ROR2: variants seen among roughly 807,000 people sequenced by gnomAD.
ROR2 encodes ROR family WNT receptor 2, also known as tyrosine-protein kinase transmembrane receptor ROR2.
A neutral mutation model predicts 74.9 loss-of-function variants in ROR2; 33 were observed. That is an observed-to-expected ratio of 0.44 (90% CI 0.33 to 0.59). ROR2 has a LOEUF of 0.59. Ranked by LOEUF, ROR2 falls within the 20% of genes least tolerant of loss-of-function variation. ROR2 has a pLI of 0.02. For missense variants in ROR2, 1,216 were observed against 1,313.8 expected (o/e 0.93, Z 1.15); for synonymous variants, 586 against 558.7 (o/e 1.05, Z -0.69).
chr9:91,898,495 A>G (rs1389794763), intron 1 of ROR2, among the ~76,000 whole-genome samples: 3 of 152,172 alleles, frequency 2.0e-5, no homozygotes, highest in Non-Finnish European at 2.9e-5. Flanking sequence ...CGTCCTACAG[A>G]ACCCCACCCC....
chr9:91,759,324 T>C (rs549379573), intron 2 of ROR2, among the ~76,000 whole-genome samples: 2 of 152,324 alleles, frequency 1.3e-5, no homozygotes, highest in South Asian at 2.1e-4. Context: ...CCACTACTTA[T>C]AATTATTATT....
intron 1 of ROR2, among the ~76,000 whole-genome samples, chr9:91,933,862 G>T (rs1372380189): frequency 6.6e-6 from 1 of 152,226 alleles, no homozygotes; most frequent in Non-Finnish European, 1.5e-5. Flanking sequence ...GAAATGGGGA[G>T]TGATGGTTAA....
In ROR2 at chr9:91,803,644, G is replaced by C. The variant is rs578099562; in HGVS notation, c.98-27826C>G. 5.3e-4 allele frequency among the ~76,000 whole-genome samples: 80 copies of C among 152,336 alleles called. No homozygotes were observed. The Middle Eastern group carries it at 0.02, about 39-fold the overall frequency. The stretch of plus-strand genomic sequence containing the variant: ...TTCCAAGAAGAGAAGCATGCCCTGG[G>C]TGGAACCACAGCCAGGCATGGACAT... On this transcript the variant is annotated intron_variant, in intron 1 of 8. Transcript: ENST00000375708.
intron 1 of ROR2, among the ~76,000 whole-genome samples, chr9:91,914,516 T>C (rs1436730325): frequency 6.6e-6 from 1 of 152,110 alleles, no homozygotes; most frequent in East Asian, 1.9e-4. Flanking sequence ...TTCCCTCCCA[T>C]TGGGGTTGTG....
At chr9:91,768,535 G>A (rs558483936) in intron 2 of ROR2, among the ~76,000 whole-genome samples, 32 of 152,310 alleles carry the variant, frequency 2.1e-4, no homozygotes, top group African/African-American at 5.3e-4. Context: ...TGTGTCACCC[G>A]CAGGAGGAAG....
At chr9:91,890,199 G>T (rs1830390767) in intron 1 of ROR2, among the ~76,000 whole-genome samples, 1 of 152,150 alleles carries the variant, frequency 6.6e-6, no homozygotes. Flanking sequence ...AGCCCAAAGG[G>T]CCACCGATGG....
At chr9:91,744,865 T>A (rs545613598) in intron 4 of ROR2, among the ~76,000 whole-genome samples, 1 of 152,264 alleles carries the variant, frequency 6.6e-6, no homozygotes, top group East Asian at 1.9e-4. Flanking sequence ...GGCTAGTCCC[T>A]CCCAGGTAAG....
At chr9:91,771,992 C>A (rs1387392701) in intron 2 of ROR2, among the ~76,000 whole-genome samples, 3 of 152,168 alleles carry the variant, frequency 2.0e-5, no homozygotes, top group Non-Finnish European at 4.4e-5. Context: ...TGTGATTAGG[C>A]CAAATGTGGC....
intron 1 of ROR2, among the ~76,000 whole-genome samples, chr9:91,778,389 G>A (rs1826493276): frequency 6.6e-6 from 1 of 152,192 alleles, no homozygotes; most frequent in Admixed American, 6.5e-5. Context: ...CGTGCGCCCT[G>A]CAACATCTCC....
chr9:91,847,701 C>T (rs1828972064), intron 1 of ROR2, among the ~76,000 whole-genome samples: 1 of 152,166 alleles, frequency 6.6e-6, no homozygotes, highest in Non-Finnish European at 1.5e-5. Context: ...GAGAATGAAC[C>T]CCACTCCCAG....
At chr9:91,929,880 G>A (rs1831506456) in intron 1 of ROR2, among the ~76,000 whole-genome samples, 1 of 152,092 alleles carries the variant, frequency 6.6e-6, no homozygotes, top group Non-Finnish European at 1.5e-5. Context: ...GTTTTCCCCG[G>A]GACCTGACTC....
chr9:91,804,119 A>C (rs904332302), intron 1 of ROR2, among the ~76,000 whole-genome samples: 10 of 152,182 alleles, frequency 6.6e-5, no homozygotes, highest in South Asian at 2.1e-4. Context: ...CCATCATGGT[A>C]TCATCCACCC....
chr9:91,865,541 T>G (rs898908898), intron 1 of ROR2, among the ~76,000 whole-genome samples: 1 of 152,248 alleles, frequency 6.6e-6, no homozygotes, highest in African/African-American at 2.4e-5. Flanking sequence ...TCAAAAGCAG[T>G]TAGGTAAATA....
At chr9:91,781,769 G>A (rs533350460) in intron 1 of ROR2, among the ~76,000 whole-genome samples, 1 of 152,234 alleles carries the variant, frequency 6.6e-6, no homozygotes, top group African/African-American at 2.4e-5. Context: ...ACTCTACTTT[G>A]GAAATAGGGA....
chr9:91,829,815 A>G (rs1171065323), intron 1 of ROR2, among the ~76,000 whole-genome samples: 1 of 152,220 alleles, frequency 6.6e-6, no homozygotes, highest in Non-Finnish European at 1.5e-5. Context: ...TAGGTACTAT[A>G]AATAATGATC....
intron 1 of ROR2, among the ~76,000 whole-genome samples, chr9:91,897,035 C>T (rs1269707799): frequency 2.0e-5 from 3 of 152,232 alleles, no homozygotes; most frequent in African/African-American, 7.2e-5. Context: ...CTCGTGAAAG[C>T]TCCTCTTCCG....
intron 4 of ROR2, among the ~76,000 whole-genome samples, chr9:91,738,409 C>T (rs572830664): frequency 2.0e-5 from 3 of 152,122 alleles, no homozygotes; most frequent in East Asian, 1.9e-4. Flanking sequence ...GAAGGGTACA[C>T]GGGGATGGGT....
chr9:91,847,205 C>A (rs1828958981), intron 1 of ROR2, among the ~76,000 whole-genome samples: 1 of 152,118 alleles, frequency 6.6e-6, no homozygotes, highest in African/African-American at 2.4e-5. Context: ...TCAGTATGTG[C>A]AGGTCTGCAG....
intron 1 of ROR2, among the ~76,000 whole-genome samples, chr9:91,856,657 G>C (rs1587788995): frequency 1.3e-5 from 2 of 152,114 alleles, no homozygotes; most frequent in African/African-American, 4.8e-5. Flanking sequence ...CTGACACCTT[G>C]ATCTCACACT....
Sources: gnomAD v4.1 joint callset for allele counts (sites outside exome capture counted in the v4.1 genomes callset) on GRCh38, gnomAD v4.1.1 for gene constraint, MANE v1.5 for transcripts, NCBI Gene and HGNC (gene_info 2026-07-23, HGNC 2026-07-21) for gene names.